The following ATAD2 variants were observed in gnomAD, a reference collection of about 807,000 sequenced individuals.
ATAD2 encodes the protein ATPase family AAA domain-containing protein 2.
Under a neutral mutation model 168.9 loss-of-function variants are expected in ATAD2, and 62 were observed. The observed-to-expected ratio is 0.37, with a 90% CI of 0.30 to 0.45. The LOEUF (loss-of-function observed/expected upper bound fraction) is 0.45. ATAD2 is among the 20% of genes least tolerant of loss of function. The probability of loss-of-function intolerance (pLI) is 1.00; values close to 1 mark genes in which losing one functional copy is unlikely to be tolerated. For missense variants in ATAD2, 1,419 were observed against 1,667.8 expected (o/e 0.85, Z 2.60); for synonymous variants, 613 against 571.6 (o/e 1.07, Z -1.03).
At chr8:123,388,713 G>A (rs1251818390) in intron 1 of ATAD2, among the ~76,000 whole-genome samples, 1 of 151,796 alleles carries the variant, frequency 6.6e-6, no homozygotes, top group South Asian at 2.1e-4. Context: ...AGAGATGGTG[G>A]GGGCGGGGGG....
chr8:123,377,090 T>TTAAAAAAAAAAAAA (rs1297063054), intron 2 of ATAD2, among the ~76,000 whole-genome samples: 1 of 622 alleles, frequency 1.6e-3, no homozygotes, highest in African/African-American at 4.3e-3. Flanking sequence ...AGACTCCGTC[T>TTAAAAAAAAAAAAA]CAAAAAAAAA....
chr8:123,381,814 G>A (rs1013501981), intron 1 of ATAD2, among the ~76,000 whole-genome samples: 6 of 152,200 alleles, frequency 3.9e-5, no homozygotes, highest in Admixed American at 3.3e-4. Flanking sequence ...GTTGAGGTGG[G>A]CGGATCACTT....
rs1478192338 is a variant in ATAD2, at chr8:123,320,366, AAT to A, written c.*766_*767del. 1 of 151,906 alleles carries A rather than the reference AAT, an allele frequency of 6.6e-6. No individual in the cohort carries two copies. Among genetic ancestry groups the A allele is most frequent in the African/African-American group, 2.4e-5 (1 of 41,428 alleles). 9.4% of individuals were successfully genotyped at this position (151,906 alleles called of 1,614,324 possible). ...TATAAAATTGTATATAAAAAGTATCAATAGACTATAACCTAAACAGTTTTAGA... is the reference window on the plus strand; with the variant it reads ...TATAAAATTGTATATAAAAAGTATCAAGACTATAACCTAAACAGTTTTAGA... On this transcript the variant is annotated 3_prime_UTR_variant, in exon 28 of 28. Coordinates refer to ENST00000287394, the MANE Select transcript of ATAD2 (RefSeq NM_014109.4).
intron 13 of ATAD2, among the ~76,000 whole-genome samples, chr8:123,355,020 AAT>A (rs1828596693): frequency 6.6e-6 from 1 of 151,536 alleles, no homozygotes; most frequent in East Asian, 1.9e-4. Context: ...AGTATTGTTA[AAT>A]ATGTTCCTTC....
upstream of ATAD2, chr8:123,401,338 G>A (rs986675926): frequency 3.6e-6 from 5 of 1,396,950 alleles, no homozygotes; most frequent in African/African-American, 7.1e-5. Context: ...CTGTGAGGAT[G>A]ACAAATACCG....
Position 123,321,314 on chromosome 8 carries a change from TTCAG to T in ATAD2, c.4132-143_4132-140del, listed in dbSNP as rs1827462464. ...TTTGATAGTGAAAATAAACATTCAGTTCAGTATTTAAGACTGCCACATAGATTTT... is the reference window on the plus strand; with the variant it reads ...TTTGATAGTGAAAATAAACATTCAGTTATTTAAGACTGCCACATAGATTTT... On this transcript the variant is annotated intron_variant, in intron 27 of 27. Coordinates refer to ENST00000287394, the MANE Select transcript of ATAD2 (RefSeq NM_014109.4). 5.1e-5 allele frequency: 38 copies of T among 746,194 alleles called. No individual in the cohort carries two copies. The South Asian group carries it at 6.9e-4, about 14-fold the overall frequency. 46.2% of individuals were successfully genotyped at this position (746,194 alleles called of 1,614,324 possible).
chr8:123,404,871 G>T (rs2130029113), intron 1 of ATAD2, among the ~76,000 whole-genome samples: 1 of 152,266 alleles, frequency 6.6e-6, no homozygotes, highest in Non-Finnish European at 1.5e-5. Context: ...GTCAGTCATT[G>T]AACTATTTAG....
At position 123,396,307 on chromosome 8, in the gene ATAD2, C is replaced by G. The variant is rs1812826192; in HGVS notation, c.51G>C (p.Ser17=). ...TGGACAGGTCCAAGGAGCCCGTGGC[C>G]GAGGCCGCGGAGTGGTTGTGCAGCT... ...SLELHNHSAA[S]ATGSLDLSSD... The change falls in exon 1 of 28, where the codon TCG becomes TCC. Residue 17 remains serine (S), a synonymous_variant. Transcript: ENST00000287394. 1.9e-6 allele frequency: 3 copies of G among 1,610,276 alleles called. No individual in the cohort carries two copies. The highest frequency in any genetic ancestry group is 2.5e-6 in the Non-Finnish European group (3 of 1,178,938).
chr8:123,405,909 A>C (rs147354896), intron 1 of ATAD2, among the ~76,000 whole-genome samples: 137 of 152,366 alleles, frequency 9.0e-4, no homozygotes, highest in African/African-American at 3.1e-3. Flanking sequence ...CTAGAAGTGC[A>C]ATGGCTAGGT....
chr8:123,359,405 ACAC>A, intron 10 of ATAD2, 69 bp from the exon 11 acceptor site: 2 of 1,271,544 alleles, frequency 1.6e-6, no homozygotes, highest in Non-Finnish European at 2.3e-6. Context: ...CCCACACCAT[ACAC>A]AGTCAATGAA....
chr8:123,322,358 T>C (rs989405970), intron 27 of ATAD2, among the ~76,000 whole-genome samples: 1 of 152,208 alleles, frequency 6.6e-6, no homozygotes, highest in African/African-American at 2.4e-5. Context: ...TAGTTTATGT[T>C]CCACTATTTA....
Position 123,361,560 on chromosome 8 carries a change from C to T in ATAD2, c.1136G>A (p.Ser379Asn). 6.2e-7 allele frequency: 1 copy of T among 1,613,310 alleles called. No homozygotes were observed. The highest frequency in any genetic ancestry group is 8.5e-7 in the Non-Finnish European group (1 of 1,179,438). ...TTACCTATTGATAGCCCTATTACGA[C>T]TCCTTTTCCTCCGCCTCTCAAAGTG... Reference protein sequence around the residue: ...EQHFERRRKRSRNRAINRCLP... With the variant: ...EQHFERRRKRNRNRAINRCLP... Residue 379 changes from serine (S) to asparagine (N), a missense_variant, in exon 9 of 28, where the codon AGT becomes AAT. Physicochemically the swap from Ser to Asn is conservative, Grantham distance 46 (BLOSUM62 1). Coordinates refer to ENST00000287394, the MANE Select transcript of ATAD2 (RefSeq NM_014109.4).
rs1554641633 is a variant in ATAD2, at chr8:123,329,775, A to AATT, written c.3479-1197_3479-1196insAAT. ...AAAAAAAAAAAAAAAAAAAAAAAAA[A>AATT]TTTTTCACTTTAACCCAATGAAGTT... On this transcript the variant is annotated intron_variant, in intron 24 of 27. Transcript: ENST00000287394. 2.8e-4 allele frequency among the ~76,000 whole-genome samples: 36 copies of AATT among 129,546 alleles called. 8 individuals carry two copies. Among genetic ancestry groups the AATT allele is most frequent in the South Asian group, 1.9e-3 (8 of 4,316 alleles). 85.0% of individuals were successfully genotyped at this position (129,546 alleles called of 152,430 possible).
Position 123,396,412 on chromosome 8 carries a change from C to CT in ATAD2, c.-56_-55insA. 2.0e-6 allele frequency: 3 copies of CT among 1,464,664 alleles called. No individual in the cohort carries two copies. The highest frequency in any genetic ancestry group is 2.4e-4 in the Middle Eastern group (1 of 4,234). The allele number at this position is 1,464,664 out of a possible 1,614,324, so 90.7% of individuals were successfully genotyped here. On this transcript the variant is annotated 5_prime_UTR_variant, in exon 1 of 28. Coordinates refer to ENST00000287394, the MANE Select transcript of ATAD2 (RefSeq NM_014109.4). ...GACCGGAGAGAGATCCAGCTCCAGG[C>CT]GCTCGCAGCTCTGGCTCTTCCGCGC...
At chr8:123,352,539 G>A (rs1009250824) in intron 13 of ATAD2, 6 of 152,186 alleles carry the variant, frequency 3.9e-5, no homozygotes, top group African/African-American at 9.7e-5. Context: ...CAAGGTGATC[G>A]AATTGCACAG....
chr8:123,371,475 TA>T, intron 4 of ATAD2, 137 bp from the exon 5 acceptor site: 1 of 856,506 alleles, frequency 1.2e-6, no homozygotes, highest in Non-Finnish European at 1.7e-6. Context: ...TTTACTTGTA[TA>T]AAAATATTTT....
chr8:123,381,431 G>A (rs970082481), intron 1 of ATAD2, among the ~76,000 whole-genome samples: 5 of 152,134 alleles, frequency 3.3e-5, no homozygotes, highest in Admixed American at 2.6e-4. Context: ...AGCCTGGGAG[G>A]TGGAGGTTGC....
intron 13 of ATAD2, among the ~76,000 whole-genome samples, chr8:123,353,299 G>A (rs1314085129): frequency 6.6e-6 from 1 of 152,054 alleles, no homozygotes; most frequent in African/African-American, 2.4e-5. Flanking sequence ...GGGAGGTGGA[G>A]GTTGCAGTGA....
At position 123,356,885 on chromosome 8, in the gene ATAD2, G is replaced by A. The variant is rs751443682; in HGVS notation, c.1558-408C>T. 6.3e-4 allele frequency among the ~76,000 whole-genome samples: 96 copies of A among 151,868 alleles called. 1 individual carries two copies. The highest frequency in any genetic ancestry group is 1.1e-3 in the Non-Finnish European group (73 of 67,972). On this transcript the variant is annotated intron_variant, in intron 12 of 27. Coordinates refer to ENST00000287394, the MANE Select transcript of ATAD2 (RefSeq NM_014109.4). ...ATGATATATGGTTTAATTTTCAATTGCATTTTCAACCAGAAGTATTCAAAA... is the reference window on the plus strand; with the variant it reads ...ATGATATATGGTTTAATTTTCAATTACATTTTCAACCAGAAGTATTCAAAA...
Sources: allele counts gnomAD v4.1 joint callset (sites outside exome capture counted in the v4.1 genomes callset), GRCh38; gene constraint gnomAD v4.1.1; transcripts MANE v1.5; gene names NCBI Gene and HGNC (gene_info 2026-07-23, HGNC 2026-07-21).